The following FAM53A variants were observed in gnomAD, a reference collection of about 807,000 sequenced individuals.
FAM53A encodes family with sequence similarity 53 member A, also known as protein FAM53A.
Under a neutral mutation model 26.6 loss-of-function variants are expected in FAM53A, and 28 were observed. That is an observed-to-expected ratio of 1.05 (90% CI 0.78 to 1.45). FAM53A has a LOEUF of 1.45. FAM53A is among the 40% of genes most tolerant of loss of function. FAM53A has a pLI of 0.00. For synonymous variants in FAM53A, 290 were observed against 253.1 expected, an observed-to-expected ratio of 1.15 and a Z score of -1.38; for missense variants, 650 against 575.8, an observed-to-expected ratio of 1.13 and a Z score of -1.32.
At chr4:1,650,243 T>C (rs1331877563) in intron 4 of FAM53A, among the ~76,000 whole-genome samples, 1 of 129,966 alleles carries the variant, frequency 7.7e-6, no homozygotes, top group Non-Finnish European at 1.6e-5. Flanking sequence ...AGGCGTGGCG[T>C]TTGACTGTGA....
At chr4:1,674,189 G>A (rs184153022) in intron 1 of FAM53A, among the ~76,000 whole-genome samples, 2 of 152,300 alleles carry the variant, frequency 1.3e-5, no homozygotes, top group Admixed American at 1.3e-4. Context: ...CCAGTTTCCA[G>A]GGGCTCTGGG....
the FAM53A span, among the ~76,000 whole-genome samples, chr4:1,600,871 G>T: frequency 6.6e-6 from 1 of 152,244 alleles, no homozygotes; most frequent in Non-Finnish European, 1.5e-5. Context: ...CATCCTCTGC[G>T]GGGCAAGTGC....
intron 1 of FAM53A, among the ~76,000 whole-genome samples, chr4:1,678,526 A>G (rs1404513381): frequency 6.6e-6 from 1 of 152,194 alleles, no homozygotes; most frequent in Non-Finnish European, 1.5e-5. Flanking sequence ...CATCCACAAG[A>G]AAAAAAGACA....
chr4:1,650,849 C>T (rs1330350882), intron 4 of FAM53A, among the ~76,000 whole-genome samples: 2 of 151,556 alleles, frequency 1.3e-5, no homozygotes, highest in Admixed American at 6.6e-5. Context: ...TGGATTCAGG[C>T]TTGCTTGTCC....
At chr4:1,621,778 G>A (rs1051720224) in intron 1 of FAM53A, among the ~76,000 whole-genome samples, 16 of 152,360 alleles carry the variant, frequency 1.1e-4, no homozygotes, top group Admixed American at 6.5e-5. Context: ...CAGGCTGAAC[G>A]TCTGGCCCGT....
the FAM53A span, among the ~76,000 whole-genome samples, chr4:1,578,694 C>T: frequency 6.8e-6 from 1 of 146,520 alleles, no homozygotes; most frequent in African/African-American, 2.5e-5. Context: ...CAACGAGGCT[C>T]GGAGGAGGCA....
the FAM53A span, among the ~76,000 whole-genome samples, chr4:1,586,504 G>A: frequency 4.2e-3 from 636 of 152,076 alleles, 3 homozygotes; most frequent in African/African-American, 0.015. Flanking sequence ...GGCCAGGCGC[G>A]GTGGCTCACA....
intron 4 of FAM53A, among the ~76,000 whole-genome samples, chr4:1,654,027 A>T (rs1216035672): frequency 6.6e-6 from 1 of 152,060 alleles, no homozygotes. Context: ...TGTGGCCCGG[A>T]GGATGGGGCT....
At chr4:1,578,300 C>T in the FAM53A span, among the ~76,000 whole-genome samples, 2 of 152,212 alleles carry the variant, frequency 1.3e-5, no homozygotes, top group African/African-American at 4.8e-5. Context: ...AATTAAGCAG[C>T]CACTGCACTA....
chr4:1,613,448 C>A (rs1402497029), downstream of FAM53A, among the ~76,000 whole-genome samples: 1 of 152,334 alleles, frequency 6.6e-6, no homozygotes, highest in Non-Finnish European at 1.5e-5. Flanking sequence ...AAAGGCCCTG[C>A]GTCTTAGTCC....
intron 1 of FAM53A, among the ~76,000 whole-genome samples, chr4:1,675,089 A>C (rs1227938510): frequency 2.0e-5 from 3 of 152,254 alleles, no homozygotes; most frequent in African/African-American, 2.4e-5. Context: ...TAAGGCAGTG[A>C]CATTGAAGCC....
intron 4 of FAM53A, among the ~76,000 whole-genome samples, chr4:1,653,524 C>T (rs1246945076): frequency 1.3e-5 from 2 of 152,218 alleles, no homozygotes; most frequent in African/African-American, 2.4e-5. Context: ...ACGCCATGCA[C>T]ACCCCAAGCC....
At chr4:1,661,604 C>A (rs1187447301) in intron 2 of FAM53A, among the ~76,000 whole-genome samples, 2 of 133,914 alleles carry the variant, frequency 1.5e-5, no homozygotes, top group Admixed American at 7.8e-5. Context: ...CCATCCACGT[C>A]CCCCTCCCTG....
intron 1 of FAM53A, among the ~76,000 whole-genome samples, chr4:1,631,528 A>G (rs1715611636): frequency 6.6e-6 from 1 of 152,226 alleles, no homozygotes; most frequent in African/African-American, 2.4e-5. Context: ...GGCACACAGC[A>G]GTCCCAGGGA....
intron 3 of FAM53A, 145 bp from the exon 4 acceptor site, chr4:1,655,868 G>A (rs890864085): frequency 3.3e-5 from 32 of 969,196 alleles, no homozygotes; most frequent in South Asian, 1.3e-4. Flanking sequence ...CAAGATGTCC[G>A]TGGCGCACAG....
intron 1 of FAM53A, among the ~76,000 whole-genome samples, chr4:1,632,781 TAC>T (rs1232540541): frequency 3.3e-5 from 5 of 152,150 alleles, no homozygotes; most frequent in Non-Finnish European, 7.4e-5. Flanking sequence ...GTGCATATTA[TAC>T]AGTTGTACAT....
intron 1 of FAM53A, among the ~76,000 whole-genome samples, chr4:1,673,186 G>A (rs1191207034): frequency 6.6e-6 from 1 of 152,314 alleles, no homozygotes; most frequent in African/African-American, 2.4e-5. Context: ...AGAGCTCGAC[G>A]AGGCCCTGCC....
chr4:1,684,821 G>C (rs955354780), upstream of FAM53A, among the ~76,000 whole-genome samples: 3 of 152,228 alleles, frequency 2.0e-5, no homozygotes, highest in Non-Finnish European at 4.4e-5. Context: ...TGCACAGTGT[G>C]AATTAGGCCC....
the FAM53A span, among the ~76,000 whole-genome samples, chr4:1,587,379 C>G: frequency 6.6e-6 from 1 of 152,150 alleles, no homozygotes; most frequent in East Asian, 1.9e-4. Context: ...TTTAAAACCT[C>G]TTCCCTTTCT....
Sources: allele counts gnomAD v4.1 joint callset (sites outside exome capture counted in the v4.1 genomes callset), GRCh38; gene constraint gnomAD v4.1.1; transcripts MANE v1.5; gene names NCBI Gene and HGNC (gene_info 2026-07-23, HGNC 2026-07-21).